Variants in DLGAP3 observed in about 807,000 individuals in gnomAD.
The protein encoded by DLGAP3 is disks large-associated protein 3.
Under a neutral mutation model 81.2 loss-of-function variants are expected in DLGAP3, and 17 were observed. The ratio of observed to expected loss-of-function variants is 0.21; its 90% CI spans 0.14 to 0.31. The LOEUF is 0.31. Among genes scored for constraint, DLGAP3 ranks in the 10% least tolerant of loss-of-function variants. The pLI is 1.00. For synonymous variants in DLGAP3, 577 were observed against 587.4 expected (o/e 0.98, Z 0.26); for missense variants, 1,124 against 1,388.0 (o/e 0.81, Z 3.02).
chr1:34,924,699 G>A (rs1639843191), intron 1 of DLGAP3, among the ~76,000 whole-genome samples: 1 of 152,154 alleles, frequency 6.6e-6, no homozygotes, highest in Non-Finnish European at 1.5e-5. Flanking sequence ...GATCTCACAG[G>A]CACAATATCA....
rs1414097645 is a variant in DLGAP3, at chr1:34,873,355, G to C, written c.2001-4266C>G. Among the ~76,000 whole-genome samples, 2 of 152,218 alleles carry C rather than the reference G, an allele frequency of 1.3e-5. No individual in the cohort carries two copies. The highest frequency in any genetic ancestry group is 4.8e-5 in the African/African-American group (2 of 41,456). On this transcript the variant is annotated intron_variant, in intron 8 of 11. Coordinates refer to ENST00000373347, the MANE Select transcript of DLGAP3 (RefSeq NM_001080418.3). The surrounding 1 kb of genome is among the most constrained non-coding windows in gnomAD (Gnocchi z 4.2). ...GGGGAGTAGGGGAAGGAATGAAAAT[G>C]AGCAGCTTTGGGTGGGGGCAGCGGA...
rs745644846 is a variant in DLGAP3 at position 34,868,751 on chromosome 1, C to T, written c.2339G>A (p.Arg780His). 23 of 1,607,036 alleles carry T rather than the reference C, an allele frequency of 1.4e-5. No individual in the cohort carries two copies. Among genetic ancestry groups the T allele is most frequent in the Non-Finnish European group, 1.7e-5 (20 of 1,179,732 alleles). ...TGCGCGGCCTGAGTCGGGGAGGCTA[C>T]GTGAACCGCGCTCTATCCAGGAGTC... is the stretch of plus-strand genomic sequence containing the variant. ...RRDSWIERGS[R>H]SLPDSGRASP... is the part of the protein sequence containing the mutation. Residue 780 changes from arginine (R) to histidine (H), a missense_variant, in exon 9 of 12, where the codon CGT (arginine) becomes CAT (histidine). Arg to His is a conservative substitution (Grantham distance 29). Around this residue, in one of 9 missense-constraint regions of DLGAP3, gnomAD observed 379 missense variants for 455.7 expected, o/e 0.83. Coordinates refer to ENST00000373347, the MANE Select transcript of DLGAP3 (RefSeq NM_001080418.3). This position sits in a 1 kb window ranked among gnomAD's most constrained non-coding sequence, Gnocchi z 7.5.
intron 1 of DLGAP3, among the ~76,000 whole-genome samples, chr1:34,911,031 C>A (rs976223431): frequency 6.6e-6 from 1 of 150,386 alleles, no homozygotes; most frequent in South Asian, 2.1e-4. Flanking sequence ...CACCCCCCCC[C>A]CACCACCTTC....
intron 8 of DLGAP3, among the ~76,000 whole-genome samples, chr1:34,874,291 A>G (rs1639019339): frequency 6.6e-6 from 1 of 152,238 alleles, no homozygotes; most frequent in Non-Finnish European, 1.5e-5. Context: ...GTAAGAGAGA[A>G]ATAAACTTCT....
chr1:34,895,917 T>TACACACACAC lies in DLGAP3; in HGVS notation c.1386+3742_1386+3751dup, dbSNP rs34456104. On this transcript the variant is annotated intron_variant, in intron 5 of 11. Transcript: ENST00000373347. This position sits in a 1 kb window ranked among gnomAD's most constrained non-coding sequence, Gnocchi z 4.5. ...CTGGACCCCTAACTTGAATCACACA[T>TACACACACAC]ACACACACACACACACACACACACA... Among the ~76,000 whole-genome samples the TACACACACAC allele has an allele frequency of 3.5e-5, 5 of 144,474 alleles. No individual in the cohort carries two copies. Among genetic ancestry groups the TACACACACAC allele is most frequent in the Non-Finnish European group, 7.6e-5 (5 of 65,882 alleles). 94.8% of individuals were successfully genotyped at this position (144,474 alleles called of 152,430 possible).
chr1:34,884,536 A>G (rs1175191806), intron 8 of DLGAP3, among the ~76,000 whole-genome samples: 2 of 152,122 alleles, frequency 1.3e-5, no homozygotes, highest in East Asian at 3.8e-4. Context: ...CCAAGTGAGG[A>G]GGAGTGTTAT....
intron 1 of DLGAP3, among the ~76,000 whole-genome samples, chr1:34,912,049 C>T (rs1639647667): frequency 6.6e-6 from 1 of 152,208 alleles, no homozygotes; most frequent in African/African-American, 2.4e-5. Flanking sequence ...GTAGGTGATT[C>T]ACCTCTCTTA....
At chr1:34,923,359 A>C (rs1401583345) in intron 1 of DLGAP3, among the ~76,000 whole-genome samples, 1 of 152,178 alleles carries the variant, frequency 6.6e-6, no homozygotes, top group Non-Finnish European at 1.5e-5. Context: ...GAGAGGGTAG[A>C]CCAGGAGGCT....
chr1:34,915,957 C>G (rs1186668173), intron 1 of DLGAP3, among the ~76,000 whole-genome samples: 1 of 152,180 alleles, frequency 6.6e-6, no homozygotes, highest in African/African-American at 2.4e-5. Context: ...CAATTGCCAG[C>G]TCCTCTTGGG....
intron 5 of DLGAP3, among the ~76,000 whole-genome samples, chr1:34,897,051 G>A (rs930320692): frequency 2.6e-5 from 4 of 151,622 alleles, no homozygotes; most frequent in Non-Finnish European, 5.9e-5. Context: ...ATATACCTGA[G>A]ACATAGACAA....
At chr1:34,897,318 C>T (rs1639394581) in intron 5 of DLGAP3, among the ~76,000 whole-genome samples, 1 of 152,020 alleles carries the variant, frequency 6.6e-6, no homozygotes, top group Non-Finnish European at 1.5e-5. Context: ...GAGAAGACCT[C>T]AACAATGACA....
At chr1:34,919,172 C>T (rs755229770) in intron 1 of DLGAP3, among the ~76,000 whole-genome samples, 61 of 152,146 alleles carry the variant, frequency 4.0e-4, no homozygotes, top group Non-Finnish European at 8.2e-4. Context: ...CCCCCTTCAC[C>T]CCTAGAGCCT....
rs1392017994 is a variant in DLGAP3 at position 34,929,394 on chromosome 1, G to A, written c.-135+57C>T. 3 of 148,290 alleles carry A rather than the reference G, an allele frequency of 2.0e-5. No individual in the cohort carries two copies. The highest frequency in any genetic ancestry group is 6.7e-5 in the Admixed American group (1 of 14,952). 9.2% of individuals were successfully genotyped at this position (148,290 alleles called of 1,614,324 possible). A position where few individuals can be genotyped will look rare whatever the true frequency, so the allele number is the denominator to read the frequency against. ...GGCCGCAGCCGGGCCGTGCCTGGGG[G>A]GCGCTGCAGAGGGAGCCGCGAGCGC... On this transcript the variant is annotated intron_variant, in intron 1 of 11. Coordinates refer to ENST00000373347, the MANE Select transcript of DLGAP3 (RefSeq NM_001080418.3). This position sits in a 1 kb window ranked among gnomAD's most constrained non-coding sequence, Gnocchi z 6.5.
At position 34,868,812 on chromosome 1, in the gene DLGAP3, G is replaced by T; in HGVS notation, c.2278C>A (p.Pro760Thr). The change falls in exon 9 of 12, where the codon CCC becomes ACC. Residue 760 changes from proline (P) to threonine (T), a missense_variant. By Grantham distance (38) the Pro-to-Thr change is conservative (BLOSUM62 -1). This residue lies in a region of DLGAP3 where 379 missense variants were observed against 455.7 expected (regional missense o/e 0.83). Transcript: ENST00000373347. The surrounding 1 kb of genome is among the most constrained non-coding windows in gnomAD (Gnocchi z 7.5). Reference protein sequence around the residue: ...PATDGSPGPAPAPTPGPGAGR... With the variant: ...PATDGSPGPATAPTPGPGAGR... ...GCCCCAGGGCCGGGGGTGGGGGCGG[G>T]GGCAGGGCCGGGCGACCCATCGGTG... 1 of 1,578,416 alleles carries T rather than the reference G, an allele frequency of 6.3e-7. No individual in the cohort carries two copies. The highest frequency in any genetic ancestry group is 1.7e-5 in the Admixed American group (1 of 57,742).
Position 34,867,742 on chromosome 1 carries a change from A to G in DLGAP3, c.2486-115T>C. On this transcript the variant is annotated intron_variant, in intron 9 of 11. Transcript: ENST00000373347. The surrounding 1 kb of genome is among the most constrained non-coding windows in gnomAD (Gnocchi z 4.3). ...GGTTGCTTGGCACTGTGTATCCATC[A>G]GTCTCCTCCAGCCCCAGCCCCATCC... The G allele has an allele frequency of 1.2e-6, 1 of 819,992 alleles. No homozygotes were observed. The highest frequency in any genetic ancestry group is 1.9e-5 in the Admixed American group (1 of 53,708). The allele number at this position is 819,992 out of a possible 1,614,324, so 50.8% of individuals were successfully genotyped here.
intron 8 of DLGAP3, among the ~76,000 whole-genome samples, chr1:34,881,820 A>G (rs1639149683): frequency 6.6e-6 from 1 of 152,176 alleles, no homozygotes; most frequent in African/African-American, 2.4e-5. Context: ...ACATTCAATA[A>G]AATTTCACTC....
chr1:34,886,245 C>T lies in DLGAP3; in HGVS notation c.1427G>A (p.Gly476Glu), dbSNP rs1260895277. Residue 476 changes from glycine (G) to glutamate (E), a missense_variant, in exon 6 of 12, where the codon GGG becomes GAG. Around this residue, in one of 9 missense-constraint regions of DLGAP3, gnomAD observed 357 missense variants for 408.8 expected, o/e 0.87. Coordinates refer to ENST00000373347, the MANE Select transcript of DLGAP3 (RefSeq NM_001080418.3). ...GGACTCCAGCTCCCCAAACACCGAC[C>T]CGCACACGGCCTCCAGCTGCTGGTT... ...ELNQQLEAVCGSVFGELESQA... is the reference protein window; with the variant it reads ...ELNQQLEAVCESVFGELESQA... The T allele has an allele frequency of 6.2e-7, 1 of 1,607,994 alleles. No individual in the cohort carries two copies. The highest frequency in any genetic ancestry group is 8.5e-7 in the Non-Finnish European group (1 of 1,177,364).
intron 5 of DLGAP3, among the ~76,000 whole-genome samples, chr1:34,891,532 C>A (rs1273516187): frequency 1.3e-5 from 2 of 152,198 alleles, no homozygotes; most frequent in African/African-American, 4.8e-5. Context: ...GGTGAATGCA[C>A]AGCAGAGACC....
In DLGAP3 at chr1:34,885,661, C is replaced by A; in HGVS notation, c.1731G>T (p.Arg577=). The change falls in exon 7 of 12, where the codon CGG becomes CGT. Residue 577 remains arginine (R), a synonymous_variant. Coordinates refer to ENST00000373347, the MANE Select transcript of DLGAP3 (RefSeq NM_001080418.3). ...ESFTAAEGPA[R]RCSSADGLDG... Reference sequence around the variant, plus strand: ...CCAGCCCGTCGGCGGAGCTGCAGCGCCGGGCGGGGCCCTCGGCCGCCGTGA... The same window carrying A: ...CCAGCCCGTCGGCGGAGCTGCAGCGACGGGCGGGGCCCTCGGCCGCCGTGA... 7.1e-7 allele frequency: 1 copy of A among 1,417,404 alleles called. No homozygotes were observed. The highest frequency in any genetic ancestry group is 9.1e-7 in the Non-Finnish European group (1 of 1,094,804). The allele number at this position is 1,417,404 out of a possible 1,614,324, so 87.8% of individuals were successfully genotyped here. A position where few individuals can be genotyped will look rare whatever the true frequency, so the allele number is the denominator to read the frequency against.
Sources: allele counts gnomAD v4.1 joint callset (sites outside exome capture counted in the v4.1 genomes callset), GRCh38; gene constraint gnomAD v4.1.1; regional missense constraint gnomAD v4.1.1; non-coding constraint Gnocchi (gnomAD v3.1); transcripts MANE v1.5; gene names NCBI Gene and HGNC (gene_info 2026-07-23, HGNC 2026-07-21).